The following NRG4 variants were observed in gnomAD, a reference collection of about 807,000 sequenced individuals.
NRG4 encodes the protein pro-neuregulin-4, membrane-bound isoform.
Under a neutral mutation model 15.0 loss-of-function variants are expected in NRG4, and 10 were observed. That is an observed-to-expected ratio of 0.67 (90% CI 0.41 to 1.13). The LOEUF (loss-of-function observed/expected upper bound fraction) is 1.13, where lower values mean the gene tolerates loss of function less well. Ranked by LOEUF, NRG4 falls within the 50% of genes most tolerant of loss-of-function variation. The pLI, the probability that NRG4 is intolerant of heterozygous loss-of-function variation, is 0.00. For synonymous variants in NRG4, 41 were observed against 50.1 expected (o/e 0.82, Z 0.77); for missense variants, 139 against 140.2 (o/e 0.99, Z 0.04).
intron 3 of NRG4, among the ~76,000 whole-genome samples, chr15:75,989,852 G>A (rs972117232): frequency 6.6e-6 from 1 of 152,010 alleles, no homozygotes; most frequent in East Asian, 1.9e-4. Flanking sequence ...ATTTTTGAGT[G>A]CTAGATTTTG....
chr15:76,006,710 A>C (rs1411948647), intron 3 of NRG4, among the ~76,000 whole-genome samples: 1 of 152,208 alleles, frequency 6.6e-6, no homozygotes, highest in Non-Finnish European at 1.5e-5. Flanking sequence ...AAGAAACTAT[A>C]CACATTTTTA....
chr15:76,013,928 A>G (rs936483678), upstream of NRG4, among the ~76,000 whole-genome samples: 4 of 152,210 alleles, frequency 2.6e-5, no homozygotes, highest in Admixed American at 2.0e-4. Context: ...ACTGTCTTCC[A>G]CAATGGTTGA....
intron 3 of NRG4, among the ~76,000 whole-genome samples, chr15:75,991,618 T>C (rs569589908): frequency 6.6e-5 from 10 of 150,416 alleles, no homozygotes; most frequent in African/African-American, 2.4e-4. Flanking sequence ...ATTCACTGTG[T>C]CCTTAGTGAA....
chr15:75,975,816 T>C (rs570080188), intron 3 of NRG4, among the ~76,000 whole-genome samples: 32 of 152,278 alleles, frequency 2.1e-4, no homozygotes, highest in African/African-American at 7.7e-4. Context: ...TTGGTGAATC[T>C]GACAATTATG....
At chr15:75,970,486 G>T (rs1460944159) in intron 3 of NRG4, among the ~76,000 whole-genome samples, 1 of 152,208 alleles carries the variant, frequency 6.6e-6, no homozygotes, top group African/African-American at 2.4e-5. Context: ...TACAGAGCTG[G>T]GCCTTGGCCT....
At chr15:76,005,868 C>A (rs1292836102) in intron 3 of NRG4, 1 of 368,206 alleles carries the variant, frequency 2.7e-6, no homozygotes. Context: ...GTATATCTAA[C>A]GTAAATAGTG....
At chr15:76,056,282 T>C (rs1471232417) in intron 2 of NRG4, among the ~76,000 whole-genome samples, 1 of 151,448 alleles carries the variant, frequency 6.6e-6, no homozygotes, top group African/African-American at 2.4e-5. Context: ...ACCCCATCTC[T>C]ACTTAAAGAA....
At chr15:76,004,895 C>A (rs1238675109) in intron 3 of NRG4, among the ~76,000 whole-genome samples, 1 of 152,094 alleles carries the variant, frequency 6.6e-6, no homozygotes, top group Admixed American at 6.5e-5. Context: ...GGGGCACCAA[C>A]CCCCATGCAG....
intron 5 of NRG4, among the ~76,000 whole-genome samples, chr15:76,033,414 G>T (rs554717266): frequency 6.6e-6 from 1 of 152,120 alleles, no homozygotes; most frequent in African/African-American, 2.4e-5. Context: ...AACAAATAAG[G>T]CTTGCCCTTA....
chr15:75,954,555 G>A (rs1281630564), intron 5 of NRG4, among the ~76,000 whole-genome samples: 2 of 150,284 alleles, frequency 1.3e-5, no homozygotes, highest in African/African-American at 2.5e-5. Context: ...TCAGCCTCCC[G>A]AGTAGCTGGG....
chr15:76,015,705 C>T (rs555251511), upstream of NRG4, among the ~76,000 whole-genome samples: 18 of 152,170 alleles, frequency 1.2e-4, no homozygotes, highest in African/African-American at 3.9e-4. Flanking sequence ...CTGACTTGAT[C>T]GTGGTGGATA....
intron 5 of NRG4, among the ~76,000 whole-genome samples, chr15:75,950,069 C>T (rs1276110773): frequency 6.6e-6 from 1 of 152,176 alleles, no homozygotes; most frequent in East Asian, 1.9e-4. Flanking sequence ...TGAGAACTGA[C>T]ACCTTACAAT....
intron 5 of NRG4, among the ~76,000 whole-genome samples, chr15:75,944,798 G>T (rs1259252717): frequency 6.6e-6 from 1 of 151,790 alleles, no homozygotes; most frequent in Non-Finnish European, 1.5e-5. Flanking sequence ...TATAGTTATG[G>T]TGTTGCAGTT....
At chr15:75,959,178 G>A (rs1384294049) in intron 4 of NRG4, 1 of 377,756 alleles carries the variant, frequency 2.6e-6, no homozygotes, top group East Asian at 9.5e-5. Context: ...TGTACAGACG[G>A]GGTCTTGCTA....
intron 5 of NRG4, among the ~76,000 whole-genome samples, chr15:76,034,797 CA>C (rs1162688111): frequency 6.6e-6 from 1 of 152,144 alleles, no homozygotes; most frequent in Admixed American, 6.6e-5. Flanking sequence ...CAATTTAGAG[CA>C]GGAGCTAAAG....
rs1338962548 is a variant in NRG4, at chr15:75,942,329, AGAGT to A, written c.*1305_*1308del. ...ACAGGCTTCAGCTAGCCTGGATGAC[AGAGT>A]GAGACTTTGTCTCAAAAAGTAAAGT... On this transcript the variant is annotated 3_prime_UTR_variant, in exon 6 of 6. Transcript: ENST00000394907. 6.6e-6 allele frequency: 1 copy of A among 152,194 alleles called. No individual in the cohort carries two copies. Among genetic ancestry groups the A allele is most frequent in the Non-Finnish European group, 1.5e-5 (1 of 68,042 alleles). 9.4% of individuals were successfully genotyped at this position (152,194 alleles called of 1,614,324 possible).
intron 4 of NRG4, among the ~76,000 whole-genome samples, chr15:76,039,283 C>A (rs967689115): frequency 1.3e-5 from 2 of 152,084 alleles, no homozygotes; most frequent in Non-Finnish European, 2.9e-5. Context: ...AGGTGCGAGG[C>A]CAATCCTGAA....
chr15:76,004,521 C>T (rs1476946221), intron 3 of NRG4, among the ~76,000 whole-genome samples: 6 of 150,574 alleles, frequency 4.0e-5, no homozygotes, highest in South Asian at 4.2e-4. Flanking sequence ...ATCACTTGAA[C>T]GCAGGAGGCA....
intron 3 of NRG4, among the ~76,000 whole-genome samples, chr15:75,974,957 G>C (rs1318015121): frequency 1.3e-5 from 2 of 152,104 alleles, no homozygotes; most frequent in East Asian, 3.9e-4. Flanking sequence ...GGGTGTTAAA[G>C]TCTCCCACTA....
Sources: allele counts gnomAD v4.1 joint callset (sites outside exome capture counted in the v4.1 genomes callset), GRCh38; gene constraint gnomAD v4.1.1; transcripts MANE v1.5; gene names NCBI Gene and HGNC (gene_info 2026-07-23, HGNC 2026-07-21).